The following CSMD1 variants were observed in gnomAD, a reference collection of about 807,000 sequenced individuals.
CSMD1 encodes the protein CUB and Sushi multiple domains 1.
Under a neutral mutation model 417.5 loss-of-function variants are expected in CSMD1, and 213 were observed. The observed-to-expected ratio is 0.51, with a 90% CI of 0.46 to 0.57. CSMD1 has a LOEUF of 0.57. CSMD1 is among the 20% of genes least tolerant of loss of function. The pLI, the probability that CSMD1 is intolerant of heterozygous loss-of-function variation, is 0.00. For missense variants in CSMD1, 6,923 were observed against 4,529.7 expected, an observed-to-expected ratio of 1.53 and a Z score of -15.17; for synonymous variants, 2,862 against 1,736.8, an observed-to-expected ratio of 1.65 and a Z score of -16.11.
Position 3,406,264 on chromosome 8 carries a change from G to T in CSMD1, c.2072-43C>A. On this transcript the variant is annotated intron_variant, in intron 14 of 69. Coordinates refer to ENST00000635120, the MANE Select transcript of CSMD1 (RefSeq NM_033225.6). ...AGAAAAAAGGAATAAAAATACTTGA[G>T]TATTAATTACATGTATTAAAAAAGA... 3 of 1,468,774 alleles carry T rather than the reference G, an allele frequency of 2.0e-6. No homozygotes were observed. In the East Asian group the frequency reaches 7.4e-5, roughly 36 times the overall value. 91.0% of individuals were successfully genotyped at this position (1,468,774 alleles called of 1,614,324 possible). A position where few individuals can be genotyped will look rare whatever the true frequency, so the allele number is the denominator to read the frequency against.
At chr8:3,378,942 A>T (rs11778982) in intron 18 of CSMD1, among the ~76,000 whole-genome samples, 31,172 of 152,240 alleles carry the variant, frequency 0.2, 3,463 homozygotes, top group Admixed American at 0.23. Flanking sequence ...AAATAGGAAG[A>T]GATGAAGTCA....
chr8:3,387,628 T>C lies in CSMD1; in HGVS notation c.2648A>G (p.His883Arg), dbSNP rs777045644. 5.6e-6 allele frequency: 9 copies of C among 1,600,802 alleles called. No homozygotes were observed. The highest frequency in any genetic ancestry group is 1.7e-5 in the Admixed American group (1 of 58,284). The change falls in exon 18 of 70, where the codon CAT becomes CGT. Residue 883 changes from histidine to arginine, a missense_variant. His to Arg is a conservative substitution (Grantham distance 29, BLOSUM62 0). Transcript: ENST00000635120. ...GATGCCAAAGTCTCCACCGTGGCGA[T>C]GGCCGTTCACAGGGATGCCCGGGTC... ...CLDPGIPVNG[H>R]RHGGDFGIRS...
At chr8:3,936,586 A>G (rs2129712483) in intron 5 of CSMD1, among the ~76,000 whole-genome samples, 1 of 152,300 alleles carries the variant, frequency 6.6e-6, no homozygotes, top group Non-Finnish European at 1.5e-5. Flanking sequence ...TCTTTATAGC[A>G]TGGTTTACTG....
chr8:4,058,918 A>G (rs1050936360), intron 3 of CSMD1, among the ~76,000 whole-genome samples: 1 of 152,056 alleles, frequency 6.6e-6, no homozygotes, highest in African/African-American at 2.4e-5. Context: ...CCAGGAATTG[A>G]ACTCAGCTCT....
intron 3 of CSMD1, among the ~76,000 whole-genome samples, chr8:4,346,920 CA>C (rs1376877224): frequency 6.6e-6 from 1 of 152,162 alleles, no homozygotes; most frequent in Admixed American, 6.5e-5. Flanking sequence ...ATCTTTTCCT[CA>C]AATACTAATT....
intron 5 of CSMD1, among the ~76,000 whole-genome samples, chr8:3,940,919 A>T (rs983097335): frequency 6.6e-6 from 1 of 151,486 alleles, no homozygotes; most frequent in Non-Finnish European, 1.5e-5. Context: ...CATTTAAAAT[A>T]TATGTATGTA....
intron 5 of CSMD1, among the ~76,000 whole-genome samples, chr8:3,882,064 C>T (rs1401740839): frequency 3.9e-5 from 6 of 151,950 alleles, no homozygotes; most frequent in Non-Finnish European, 8.8e-5. Flanking sequence ...AAAAACATAT[C>T]AATAGTCTAA....
In CSMD1 at chr8:3,171,062, C is replaced by T. The variant is rs530173093; in HGVS notation, c.5726-8785G>A. On this transcript the variant is annotated intron_variant, in intron 37 of 69. Coordinates refer to ENST00000635120, the MANE Select transcript of CSMD1 (RefSeq NM_033225.6). Reference sequence around the variant, plus strand: ...GTGTTGTGTTGAAAAAAGTCAAGGACAGAAAGATCACTTGAAATTTATGAT... The same window carrying T: ...GTGTTGTGTTGAAAAAAGTCAAGGATAGAAAGATCACTTGAAATTTATGAT... Among the ~76,000 whole-genome samples the T allele has an allele frequency of 3.7e-4, 56 of 152,220 alleles. 2 individuals are homozygous for T. In the South Asian group the frequency reaches 9.7e-3, roughly 26 times the overall value.
intron 1 of CSMD1, among the ~76,000 whole-genome samples, chr8:4,742,198 T>C (rs915748695): frequency 6.6e-6 from 1 of 150,534 alleles, no homozygotes; most frequent in Non-Finnish European, 1.5e-5. Flanking sequence ...GCCCGGCTAA[T>C]TTTTTGTATT....
At chr8:4,188,214 A>T (rs967080498) in intron 3 of CSMD1, among the ~76,000 whole-genome samples, 6 of 152,092 alleles carry the variant, frequency 3.9e-5, no homozygotes, top group African/African-American at 7.2e-5. Flanking sequence ...ATTTTACATG[A>T]TGTAAAATTT....
intron 1 of CSMD1, among the ~76,000 whole-genome samples, chr8:4,880,491 G>A (rs1334733285): frequency 6.6e-6 from 1 of 152,072 alleles, no homozygotes; most frequent in East Asian, 1.9e-4. Context: ...TGTAGCCCAT[G>A]AATTCTGTCA....
chr8:4,228,974 C>G (rs547621265), intron 3 of CSMD1, among the ~76,000 whole-genome samples: 67 of 152,188 alleles, frequency 4.4e-4, no homozygotes, highest in African/African-American at 1.5e-3. Context: ...GCCAGGACCC[C>G]TGATTTTAAA....
At chr8:3,471,705 T>TTTCCTTCC (rs760750278) in intron 11 of CSMD1, among the ~76,000 whole-genome samples, 1 of 143,380 alleles carries the variant, frequency 7.0e-6, no homozygotes, top group Non-Finnish European at 1.5e-5. Context: ...TCCTTTCTTC[T>TTTCCTTCC]TTCCTTCCTT....
At chr8:3,371,323 G>A (rs7841380) in intron 18 of CSMD1, among the ~76,000 whole-genome samples, 115,807 of 152,078 alleles carry the variant, frequency 0.76, 44,446 homozygotes, top group African/African-American at 0.86. Context: ...GTGCTTCCAT[G>A]GCCTCACATG....
At chr8:4,724,696 A>T (rs972351180) in intron 1 of CSMD1, among the ~76,000 whole-genome samples, 1 of 152,112 alleles carries the variant, frequency 6.6e-6, no homozygotes, top group African/African-American at 2.4e-5. Flanking sequence ...ATTGAACACC[A>T]TTCTAAAAGA....
intron 5 of CSMD1, among the ~76,000 whole-genome samples, chr8:3,815,378 A>G (rs976519321): frequency 2.0e-5 from 3 of 152,184 alleles, no homozygotes; most frequent in Non-Finnish European, 2.9e-5. Context: ...GTTAAAACTT[A>G]CAGATGAAAT....
intron 1 of CSMD1, among the ~76,000 whole-genome samples, chr8:4,990,320 T>C (rs879155308): frequency 6.6e-6 from 1 of 152,128 alleles, no homozygotes; most frequent in Non-Finnish European, 1.5e-5. Flanking sequence ...GAAAAAAACA[T>C]GATCTGCTCA....
At chr8:3,608,763 CAAA>C (rs10655689) in intron 8 of CSMD1, among the ~76,000 whole-genome samples, 1 of 139,200 alleles carries the variant, frequency 7.2e-6, no homozygotes, top group African/African-American at 2.7e-5. Context: ...GACTCTGTCT[CAAA>C]AAAAAAAAAA....
At chr8:4,205,793 A>G (rs1799944567) in intron 3 of CSMD1, among the ~76,000 whole-genome samples, 1 of 152,074 alleles carries the variant, frequency 6.6e-6, no homozygotes, top group South Asian at 2.1e-4. Flanking sequence ...CCTGTGTTAG[A>G]TATTTGTGGG....
Sources: gnomAD v4.1 joint callset for allele counts (sites outside exome capture counted in the v4.1 genomes callset) on GRCh38, gnomAD v4.1.1 for gene constraint, MANE v1.5 for transcripts, NCBI Gene and HGNC (gene_info 2026-07-23, HGNC 2026-07-21) for gene names.